CDIN1: variants seen among roughly 807,000 people sequenced by gnomAD.
CDIN1 encodes the protein CDAN1-interacting nuclease 1.
In CDIN1, 33 loss-of-function variants were observed where a neutral mutation model predicts 45.3. The ratio of observed to expected loss-of-function variants is 0.73; its 90% CI spans 0.55 to 0.97. CDIN1 has a LOEUF of 0.97. Among genes scored for constraint, CDIN1 ranks in the 50% least tolerant of loss-of-function variants. The pLI, the probability that CDIN1 is intolerant of heterozygous loss-of-function variation, is 0.00. For synonymous variants in CDIN1, 118 were observed against 124.4 expected, an observed-to-expected ratio of 0.95 and a Z score of 0.34; for missense variants, 303 against 339.4, an observed-to-expected ratio of 0.89 and a Z score of 0.84.
chr15:36,789,779 G>T (rs1453329349), intron 10 of CDIN1, among the ~76,000 whole-genome samples: 1 of 152,146 alleles, frequency 6.6e-6, no homozygotes, highest in African/African-American at 2.4e-5. Context: ...GTGCTGGAAG[G>T]TTTGAGAGCA....
At chr15:36,807,625 A>G (rs984798736) in intron 10 of CDIN1, among the ~76,000 whole-genome samples, 3 of 152,198 alleles carry the variant, frequency 2.0e-5, no homozygotes, top group Admixed American at 6.6e-5. Context: ...GGCACAACTT[A>G]GAAATGCTGA....
intron 10 of CDIN1, among the ~76,000 whole-genome samples, chr15:36,797,987 AAAAG>A (rs2054870058): frequency 6.6e-6 from 1 of 150,448 alleles, no homozygotes; most frequent in Non-Finnish European, 1.5e-5. Context: ...CTCAAAAAAA[AAAAG>A]ACTTTCCTTC....
chr15:36,799,691 T>C (rs2054946197), intron 10 of CDIN1: 1 of 152,226 alleles, frequency 6.6e-6, no homozygotes, highest in Non-Finnish European at 1.5e-5. Flanking sequence ...AGATATTGAT[T>C]ACTATGTTAA....
intron 1 of CDIN1, among the ~76,000 whole-genome samples, chr15:36,585,982 G>C (rs1399656149): frequency 2.0e-5 from 3 of 152,150 alleles, no homozygotes; most frequent in Non-Finnish European, 4.4e-5. Context: ...GACTAAACCT[G>C]AACTCTTTTA....
In CDIN1 at chr15:36,632,224, C is replaced by T. The variant is rs369769499; in HGVS notation, c.102-12054C>T. Among the ~76,000 whole-genome samples the T allele has an allele frequency of 1.4e-4, 22 of 152,276 alleles. 1 individual carries two copies. The East Asian group carries it at 3.7e-3, about 25-fold the overall frequency. ...TCTCACCAGCAATATATGAGGGTTC[C>T]AATTTCTCTACATCTTTGTAGCCTC... is the stretch of plus-strand genomic sequence containing the variant. On this transcript the variant is annotated intron_variant, in intron 1 of 10. Transcript: ENST00000566621.
intron 5 of CDIN1, among the ~76,000 whole-genome samples, chr15:36,679,210 T>C (rs1241766431): frequency 6.6e-6 from 1 of 152,012 alleles, no homozygotes; most frequent in Non-Finnish European, 1.5e-5. Context: ...GGATGTAAGA[T>C]GGGAGTATCA....
intron 8 of CDIN1, chr15:36,708,959 AG>A (rs1401735188): frequency 1.0e-5 from 3 of 292,192 alleles, no homozygotes; most frequent in African/African-American, 2.2e-5. Flanking sequence ...ATTACAAAAA[AG>A]GTAGTATATG....
At chr15:36,731,509 CTT>C (rs1004364767) in intron 10 of CDIN1, among the ~76,000 whole-genome samples, 2 of 152,080 alleles carry the variant, frequency 1.3e-5, no homozygotes, top group Non-Finnish European at 2.9e-5. Context: ...TTAAGCCAGT[CTT>C]ATATATGCTA....
Position 36,724,755 on chromosome 15 carries a change from A to G in CDIN1, c.716+14794A>G, listed in dbSNP as rs141577015. Among the ~76,000 whole-genome samples the G allele has an allele frequency of 7.0e-3, 1,063 of 152,298 alleles. 7 individuals are homozygous for G. Among genetic ancestry groups the G allele is most frequent in the Non-Finnish European group, 0.01 (712 of 68,028 alleles). On this transcript the variant is annotated intron_variant, in intron 10 of 10. Coordinates refer to ENST00000566621, the MANE Select transcript of CDIN1 (RefSeq NM_001321759.2). Reference sequence around the variant, plus strand: ...CAATAATTATGACTCATAGCAAATTAAATTATTTCTAAATTTACCGACTCC... The same window carrying G: ...CAATAATTATGACTCATAGCAAATTGAATTATTTCTAAATTTACCGACTCC...
intron 10 of CDIN1, among the ~76,000 whole-genome samples, chr15:36,801,134 A>C (rs74933192): frequency 6.6e-6 from 1 of 151,054 alleles, no homozygotes; most frequent in African/African-American, 2.4e-5. Context: ...TGTTTGTTTC[A>C]TTGACTAGAT....
intron 3 of CDIN1, among the ~76,000 whole-genome samples, chr15:36,648,120 T>A (rs923140874): frequency 6.6e-6 from 1 of 152,096 alleles, no homozygotes; most frequent in South Asian, 2.1e-4. Context: ...ATTACAGGCG[T>A]GAGCCACCGT....
intron 10 of CDIN1, among the ~76,000 whole-genome samples, chr15:36,732,330 G>C (rs922091861): frequency 2.7e-4 from 41 of 152,132 alleles, no homozygotes; most frequent in African/African-American, 9.9e-4. Context: ...AAACTTAAGA[G>C]ACATCCTAAC....
intron 10 of CDIN1, among the ~76,000 whole-genome samples, chr15:36,710,602 A>G (rs2043022217): frequency 6.6e-6 from 1 of 151,916 alleles, no homozygotes; most frequent in African/African-American, 2.4e-5. Flanking sequence ...TTTATCTCTC[A>G]CTCCCAAATC....
intron 1 of CDIN1, among the ~76,000 whole-genome samples, chr15:36,624,453 G>T (rs2039330385): frequency 6.6e-6 from 1 of 152,158 alleles, no homozygotes; most frequent in Admixed American, 6.5e-5. Context: ...ATTAAAGTGG[G>T]TGGTTGTAGA....
At chr15:36,702,759 G>C (rs985203344) in intron 8 of CDIN1, among the ~76,000 whole-genome samples, 2 of 152,000 alleles carry the variant, frequency 1.3e-5, no homozygotes, top group African/African-American at 4.8e-5. Context: ...AATATCTTTT[G>C]TCCTTTTTGG....
chr15:36,748,626 AT>A (rs1190493009), intron 10 of CDIN1, among the ~76,000 whole-genome samples: 1 of 152,072 alleles, frequency 6.6e-6, no homozygotes, highest in Non-Finnish European at 1.5e-5. Flanking sequence ...GTTAGCAGAT[AT>A]TTTTTCCATT....
At chr15:36,807,403 T>C (rs1473704260) in intron 10 of CDIN1, among the ~76,000 whole-genome samples, 1 of 152,188 alleles carries the variant, frequency 6.6e-6, no homozygotes, top group East Asian at 1.9e-4. Flanking sequence ...CCAAAAGTAG[T>C]GCTGCCCTTT....
At chr15:36,680,950 A>G (rs1313758791) in intron 5 of CDIN1, among the ~76,000 whole-genome samples, 1 of 152,218 alleles carries the variant, frequency 6.6e-6, no homozygotes, top group Non-Finnish European at 1.5e-5. Flanking sequence ...TCTACAGTGC[A>G]GGTCAAACAA....
intron 10 of CDIN1, among the ~76,000 whole-genome samples, chr15:36,769,563 A>G (rs1306650671): frequency 1.3e-5 from 2 of 152,202 alleles, no homozygotes; most frequent in African/African-American, 4.8e-5. Flanking sequence ...CCTTCACAGC[A>G]ACATCTGGAT....
Sources: allele counts gnomAD v4.1 joint callset (sites outside exome capture counted in the v4.1 genomes callset), GRCh38; gene constraint gnomAD v4.1.1; transcripts MANE v1.5; gene names NCBI Gene and HGNC (gene_info 2026-07-23, HGNC 2026-07-21).